The following MACROD2 variants were observed in gnomAD, a reference collection of about 807,000 sequenced individuals.
MACROD2 encodes the protein mono-ADP ribosylhydrolase 2.
Under a neutral mutation model 70.4 loss-of-function variants are expected in MACROD2, and 36 were observed. That is an observed-to-expected ratio of 0.51 (90% CI 0.39 to 0.68). MACROD2 has a LOEUF of 0.68. MACROD2 is among the 30% of genes least tolerant of loss of function. MACROD2 has a pLI of 0.00. For synonymous variants in MACROD2, 172 were observed against 178.8 expected (o/e 0.96, Z 0.30); for missense variants, 496 against 538.4 (o/e 0.92, Z 0.78).
intron 8 of MACROD2, among the ~76,000 whole-genome samples, chr20:15,797,383 G>A (rs2063684376): frequency 6.6e-6 from 1 of 152,156 alleles, no homozygotes; most frequent in South Asian, 2.1e-4. Context: ...CCAAAGTGCT[G>A]GGATTACAGG....
chr20:15,287,489 T>C (rs1321344216), intron 6 of MACROD2, among the ~76,000 whole-genome samples: 1 of 152,210 alleles, frequency 6.6e-6, no homozygotes, highest in Non-Finnish European at 1.5e-5. Context: ...CCATGAGGTT[T>C]ATTGGAGGTA....
intron 10 of MACROD2, among the ~76,000 whole-genome samples, chr20:15,886,649 A>G (rs1406498264): frequency 1.3e-5 from 2 of 152,134 alleles, no homozygotes; most frequent in Non-Finnish European, 2.9e-5. Flanking sequence ...AAAATCTAGT[A>G]GTTAAATGCA....
intron 6 of MACROD2, among the ~76,000 whole-genome samples, chr20:15,331,580 C>T (rs572862736): frequency 1.3e-5 from 2 of 151,762 alleles, no homozygotes; most frequent in East Asian, 1.9e-4. Context: ...AATTTATGCT[C>T]AGTCCTCAGA....
intron 6 of MACROD2, among the ~76,000 whole-genome samples, chr20:15,308,661 A>G (rs1041737508): frequency 4.6e-5 from 7 of 152,204 alleles, no homozygotes; most frequent in Non-Finnish European, 7.3e-5. Flanking sequence ...ATTTAGATTC[A>G]AGGAAGAAGT....
chr20:14,279,752 C>T (rs1205799941), intron 3 of MACROD2, among the ~76,000 whole-genome samples: 2 of 152,188 alleles, frequency 1.3e-5, no homozygotes, highest in South Asian at 2.1e-4. Flanking sequence ...ACAAAATTTA[C>T]ATCCAAGAGA....
chr20:14,305,958 C>G (rs1408374527), intron 3 of MACROD2, among the ~76,000 whole-genome samples: 1 of 151,750 alleles, frequency 6.6e-6, no homozygotes, highest in Non-Finnish European at 1.5e-5. Flanking sequence ...CGTGAGTCTA[C>G]TTGTGTTTCT....
intron 8 of MACROD2, among the ~76,000 whole-genome samples, chr20:15,827,254 T>C (rs902370069): frequency 4.2e-4 from 64 of 152,182 alleles, no homozygotes; most frequent in African/African-American, 1.5e-3. Flanking sequence ...AAGATATCCA[T>C]GATTTATACC....
chr20:15,708,885 G>A (rs1453323083), intron 8 of MACROD2, among the ~76,000 whole-genome samples: 1 of 152,034 alleles, frequency 6.6e-6, no homozygotes, highest in Non-Finnish European at 1.5e-5. Context: ...AATTAGCTGG[G>A]CATGGTAGCA....
rs754842338 is a variant in MACROD2, at chr20:16,014,453, G to A, written c.1154-26748G>A. ...ATGCTCCCAAGATTGGAAGACCCAA[G>A]ATCATAAATCCACAGGGAAAAGTCC... On this transcript the variant is annotated intron_variant, in intron 15 of 17. Coordinates refer to ENST00000684519, the MANE Select transcript of MACROD2 (RefSeq NM_001351661.2). Among the ~76,000 whole-genome samples the A allele has an allele frequency of 4.6e-5, 7 of 152,204 alleles. 1 individual carries two copies. The highest frequency in any genetic ancestry group is 1.0e-4 in the Non-Finnish European group (7 of 68,032).
At chr20:14,282,983 G>A (rs1036390746) in intron 3 of MACROD2, among the ~76,000 whole-genome samples, 4 of 152,118 alleles carry the variant, frequency 2.6e-5, no homozygotes, top group African/African-American at 9.7e-5. Context: ...AAATCACAGT[G>A]TCATGTTCCC....
chr20:15,892,036 C>T (rs2064897100), intron 10 of MACROD2, among the ~76,000 whole-genome samples: 1 of 152,152 alleles, frequency 6.6e-6, no homozygotes, highest in African/African-American at 2.4e-5. Context: ...ACAACCAGCT[C>T]ATGAAAACCA....
intron 8 of MACROD2, among the ~76,000 whole-genome samples, chr20:15,767,944 G>T (rs560431964): frequency 6.6e-6 from 1 of 151,666 alleles, no homozygotes; most frequent in Non-Finnish European, 1.5e-5. Context: ...CTTTGAAATT[G>T]AAAACCTGAA....
rs193017736 is a variant in MACROD2, at chr20:15,325,170, G to C, written c.540+95109G>C. 1.8e-4 allele frequency among the ~76,000 whole-genome samples: 28 copies of C among 152,174 alleles called. No individual in the cohort carries two copies. In the East Asian group the frequency reaches 5.4e-3, roughly 29 times the overall value. ...ATAACATACAATCTTTCACCCCATTGGTCCTTGTTGTCAATAGCTCTGGAT... is the reference window on the plus strand; with the variant it reads ...ATAACATACAATCTTTCACCCCATTCGTCCTTGTTGTCAATAGCTCTGGAT... On this transcript the variant is annotated intron_variant, in intron 6 of 17. Transcript: ENST00000684519.
At chr20:15,997,685 T>G in intron 15 of MACROD2, among the ~76,000 whole-genome samples, 1 of 152,168 alleles carries the variant, frequency 6.6e-6, no homozygotes, top group East Asian at 1.9e-4. Context: ...TTTTATTTCT[T>G]TTTCTTGCTT....
chr20:15,429,666 A>G (rs959206088), intron 6 of MACROD2, among the ~76,000 whole-genome samples: 6 of 152,170 alleles, frequency 3.9e-5, no homozygotes, highest in African/African-American at 1.2e-4. Context: ...ATTGACCTCA[A>G]TAGTAATGTT....
At chr20:14,176,031 G>A (rs1009325546) in intron 3 of MACROD2, among the ~76,000 whole-genome samples, 3 of 152,146 alleles carry the variant, frequency 2.0e-5, no homozygotes, top group Non-Finnish European at 2.9e-5. Context: ...GGAATCCAGC[G>A]ATATGTCTCC....
At chr20:14,239,374 T>G (rs1203639765) in intron 3 of MACROD2, among the ~76,000 whole-genome samples, 1 of 152,180 alleles carries the variant, frequency 6.6e-6, no homozygotes, top group East Asian at 1.9e-4. Flanking sequence ...AGAAACTGTT[T>G]TAAAATTCAT....
At chr20:14,763,552 ATGAC>A (rs1309573101) in intron 5 of MACROD2, among the ~76,000 whole-genome samples, 1 of 152,270 alleles carries the variant, frequency 6.6e-6, no homozygotes, top group South Asian at 2.1e-4. Flanking sequence ...AGGTGGCAAT[ATGAC>A]TGACAGTAAA....
At chr20:15,937,591 G>A in intron 12 of MACROD2, 47 bp downstream of exon 12, 3 of 1,550,622 alleles carry the variant, frequency 1.9e-6, no homozygotes, top group Non-Finnish European at 2.7e-6. Context: ...TCTTAAAAGA[G>A]ACTGTTTGGG....
Sources: allele counts gnomAD v4.1 joint callset (sites outside exome capture counted in the v4.1 genomes callset), GRCh38; gene constraint gnomAD v4.1.1; transcripts MANE v1.5; gene names NCBI Gene and HGNC (gene_info 2026-07-23, HGNC 2026-07-21).